Variants in CCNC observed in about 807,000 individuals in gnomAD.
CCNC encodes the protein cyclin C.
In CCNC, 19 loss-of-function variants were observed where a neutral mutation model predicts 50.0. The observed-to-expected ratio is 0.38, with a 90% confidence interval of 0.27 to 0.56. CCNC has a LOEUF of 0.56. CCNC is among the 20% of genes least tolerant of loss of function. The probability of loss-of-function intolerance (pLI) is 0.72; values close to 1 mark genes in which losing one functional copy is unlikely to be tolerated. For missense variants in CCNC, 200 were observed against 327.1 expected, an observed-to-expected ratio of 0.61 and a Z score of 3.00; for synonymous variants, 93 against 103.7, an observed-to-expected ratio of 0.90 and a Z score of 0.63.
At chr6:99,549,179 T>C in intron 9 of CCNC, 1 of 368,202 alleles carries the variant, frequency 2.7e-6, no homozygotes, top group South Asian at 2.5e-5. Flanking sequence ...AAAGCCCCAA[T>C]TATTTTACAT....
intron 4 of CCNC, among the ~76,000 whole-genome samples, chr6:99,558,914 C>G (rs985699915): frequency 6.6e-6 from 1 of 152,042 alleles, no homozygotes; most frequent in African/African-American, 2.4e-5. Flanking sequence ...TTACCTCTCC[C>G]CCAAATTGCT....
At chr6:99,565,317 A>C (rs1370674807) in intron 1 of CCNC, among the ~76,000 whole-genome samples, 1 of 151,996 alleles carries the variant, frequency 6.6e-6, no homozygotes, top group Non-Finnish European at 1.5e-5. Flanking sequence ...GCCACTATGG[A>C]CTTTTAAAGT....
At chr6:99,560,325 T>G (rs1802726407) in intron 4 of CCNC, among the ~76,000 whole-genome samples, 1 of 152,206 alleles carries the variant, frequency 6.6e-6, no homozygotes. Context: ...CTTCTTAAAC[T>G]ACCACTCACA....
At chr6:99,567,725 A>T (rs2114440531) in intron 1 of CCNC, among the ~76,000 whole-genome samples, 1 of 152,322 alleles carries the variant, frequency 6.6e-6, no homozygotes, top group African/African-American at 2.4e-5. Context: ...TGTTCAATTT[A>T]CCCCATAACG....
chr6:99,563,838 A>AT (rs564007922), intron 1 of CCNC, among the ~76,000 whole-genome samples: 317 of 152,136 alleles, frequency 2.1e-3, no homozygotes, highest in Non-Finnish European at 4.0e-3. Context: ...ATAATTTCCT[A>AT]TTTTTTTCTT....
intron 7 of CCNC, 116 bp from the exon 8 acceptor site, chr6:99,550,425 C>T: frequency 1.4e-6 from 1 of 694,930 alleles, no homozygotes; most frequent in Non-Finnish European, 2.5e-6. Flanking sequence ...TTCACTAACT[C>T]ATGCTTGCTT....
At chr6:99,554,097 T>A (rs330814) in intron 5 of CCNC, among the ~76,000 whole-genome samples, 59,020 of 151,698 alleles carry the variant, frequency 0.39, 11,625 homozygotes, top group East Asian at 0.53. Flanking sequence ...TTGATGACTT[T>A]GACAGTTTTT....
intron 5 of CCNC, among the ~76,000 whole-genome samples, chr6:99,553,082 T>C (rs748088492): frequency 2.0e-5 from 3 of 152,130 alleles, no homozygotes; most frequent in Non-Finnish European, 2.9e-5. Context: ...CTATGCACTA[T>C]GTTTTCAAAA....
Position 99,545,157 on chromosome 6 carries a change from G to T in CCNC, c.752C>A (p.Ala251Glu). 6.2e-7 allele frequency: 1 copy of T among 1,610,906 alleles called. No individual in the cohort carries two copies. The highest frequency in any genetic ancestry group is 8.5e-7 in the Non-Finnish European group (1 of 1,177,310). ...WKNFDERKEMATILSKMPKPK... is the reference protein window; with the variant it reads ...WKNFDERKEMETILSKMPKPK... ...TTTTGGCATCTTACTAAGAATGGTTGCCATCTCTTTTCTCTCATCGAAATT... is the reference window on the plus strand; with the variant it reads ...TTTTGGCATCTTACTAAGAATGGTTTCCATCTCTTTTCTCTCATCGAAATT... The change falls in exon 11 of 12, where the codon GCA becomes GAA. Residue 251 changes from alanine (A) to glutamate (E), a missense_variant. Physicochemically the swap from Ala to Glu is moderately radical, Grantham distance 107. Transcript: ENST00000520429.
At chr6:99,554,611 T>C (rs1802438722) in intron 5 of CCNC, among the ~76,000 whole-genome samples, 1 of 152,202 alleles carries the variant, frequency 6.6e-6, no homozygotes, top group South Asian at 2.1e-4. Context: ...CAGTGGGAGC[T>C]CTCTTAGTTA....
chr6:99,562,912 C>T lies in CCNC; in HGVS notation c.69G>A (p.Lys23=). The T allele has an allele frequency of 6.2e-7, 1 of 1,606,580 alleles. No individual in the cohort carries two copies. Among genetic ancestry groups the T allele is most frequent in the East Asian group, 2.2e-5 (1 of 44,694 alleles). The change falls in exon 2 of 12, where the codon AAG becomes AAA. Residue 23 remains lysine (K), a synonymous_variant. Transcript: ENST00000520429. ...QWILDKQDLL[K]ERQKDLKFLS... ...GAAACTTTAAATCCTTTTGGCGCTCCTTCAACAGATCTTGTTTATCCAAAA... is the reference window on the plus strand; with the variant it reads ...GAAACTTTAAATCCTTTTGGCGCTCTTTCAACAGATCTTGTTTATCCAAAA...
chr6:99,545,350 G>A, intron 10 of CCNC, 120 bp from the exon 11 acceptor site: 3 of 601,226 alleles, frequency 5.0e-6, no homozygotes, highest in East Asian at 2.7e-5. Flanking sequence ...CTTAAATCCT[G>A]ATAAATTTGA....
chr6:99,548,146 A>C (rs1360382190), intron 9 of CCNC, among the ~76,000 whole-genome samples: 1 of 152,194 alleles, frequency 6.6e-6, no homozygotes, highest in African/African-American at 2.4e-5. Flanking sequence ...GCCAAGTGGC[A>C]AGATCTTGGC....
In CCNC at chr6:99,562,908, G is replaced by A. The variant is rs1314175799; in HGVS notation, c.73C>T (p.Arg25Cys). 5.6e-6 allele frequency: 9 copies of A among 1,605,576 alleles called. No individual in the cohort carries two copies. The highest frequency in any genetic ancestry group is 1.3e-5 in the African/African-American group (1 of 74,558). Residue 25 changes from arginine to cysteine, a missense_variant, in exon 2 of 12, where the codon CGC becomes TGC. Arg to Cys is a radical substitution (Grantham distance 180, BLOSUM62 -3). Coordinates refer to ENST00000520429, the MANE Select transcript of CCNC (RefSeq NM_005190.4). Reference sequence around the variant, plus strand: ...GAGAGAAACTTTAAATCCTTTTGGCGCTCCTTCAACAGATCTTGTTTATCC... The same window carrying A: ...GAGAGAAACTTTAAATCCTTTTGGCACTCCTTCAACAGATCTTGTTTATCC... ...ILDKQDLLKE[R>C]QKDLKFLSEE...
intron 5 of CCNC, chr6:99,558,276 T>C: frequency 1.9e-6 from 1 of 527,000 alleles, no homozygotes; most frequent in East Asian, 3.4e-5. Flanking sequence ...TGATAATTAC[T>C]ATCCATTTTA....
At chr6:99,549,723 A>T (rs191998656) in intron 8 of CCNC, 148 bp from the exon 9 acceptor site, 3 of 530,606 alleles carry the variant, frequency 5.7e-6, no homozygotes, top group Admixed American at 3.3e-5. Context: ...TGAAAACATC[A>T]AGGCAAAAGG....
At position 99,554,094 on chromosome 6, in the gene CCNC, C is replaced by CT. The variant is rs556217556; in HGVS notation, c.347-2200dup. On this transcript the variant is annotated intron_variant, in intron 5 of 11. Transcript: ENST00000520429. ...TCTAGCCTTTCCTTGTTTTTGATGACTTTGACAGTTTTTAGGAGTACCAGT... is the reference window on the plus strand; with the variant it reads ...TCTAGCCTTTCCTTGTTTTTGATGACTTTTGACAGTTTTTAGGAGTACCAGT... Among the ~76,000 whole-genome samples, 3 of 151,896 alleles carry CT rather than the reference C, an allele frequency of 2.0e-5. No homozygotes were observed. The South Asian group carries it at 6.2e-4, about 32-fold the overall frequency.
intron 4 of CCNC, among the ~76,000 whole-genome samples, chr6:99,558,915 C>G (rs1392944639): frequency 6.6e-6 from 1 of 151,978 alleles, no homozygotes; most frequent in Non-Finnish European, 1.5e-5. Flanking sequence ...TACCTCTCCC[C>G]CAAATTGCTA....
chr6:99,567,459 C>T (rs553211873), intron 1 of CCNC, among the ~76,000 whole-genome samples: 39 of 151,958 alleles, frequency 2.6e-4, no homozygotes, highest in African/African-American at 9.2e-4. Context: ...AGTGGTAAAG[C>T]TTCTTTAACA....
Sources: allele counts gnomAD v4.1 joint callset (sites outside exome capture counted in the v4.1 genomes callset), GRCh38; gene constraint gnomAD v4.1.1; transcripts MANE v1.5; gene names NCBI Gene and HGNC (gene_info 2026-07-23, HGNC 2026-07-21).